The following RAP2A variants were observed in gnomAD, a reference collection of about 807,000 sequenced individuals.
RAP2A encodes the protein ras-related protein Rap-2a.
Under a neutral mutation model 15.1 loss-of-function variants are expected in RAP2A, and 5 were observed. That is an observed-to-expected ratio of 0.33 (90% CI 0.17 to 0.70). The LOEUF (loss-of-function observed/expected upper bound fraction) is 0.70, where lower values mean the gene tolerates loss of function less well. Among genes scored for constraint, RAP2A ranks in the 30% least tolerant of loss-of-function variants. The probability of loss-of-function intolerance (pLI) is 0.68; values close to 1 mark genes in which losing one functional copy is unlikely to be tolerated. For synonymous variants in RAP2A, 110 were observed against 99.7 expected, an observed-to-expected ratio of 1.10 and a Z score of -0.62; for missense variants, 111 against 240.3, an observed-to-expected ratio of 0.46 and a Z score of 3.56.
At chr13:97,456,074 C>T (rs1408105085) in intron 1 of RAP2A, among the ~76,000 whole-genome samples, 1 of 145,838 alleles carries the variant, frequency 6.9e-6, no homozygotes, top group Non-Finnish European at 1.5e-5. Context: ...CTGGCACTGT[C>T]TACTGCCCCA....
At chr13:97,460,858 G>A (rs1224933051) in intron 1 of RAP2A, among the ~76,000 whole-genome samples, 1 of 152,142 alleles carries the variant, frequency 6.6e-6, no homozygotes, top group Non-Finnish European at 1.5e-5. Flanking sequence ...TTAGTGTCTG[G>A]TGGCTGCTTT....
intron 1 of RAP2A, among the ~76,000 whole-genome samples, chr13:97,462,143 T>C (rs1293707122): frequency 1.3e-5 from 2 of 149,808 alleles, no homozygotes; most frequent in Admixed American, 6.7e-5. Context: ...AGTGATCTTA[T>C]CACTTTTTAT....
At chr13:97,436,393 T>C (rs949057687) in intron 1 of RAP2A, among the ~76,000 whole-genome samples, 4 of 152,290 alleles carry the variant, frequency 2.6e-5, no homozygotes, top group Non-Finnish European at 4.4e-5. Flanking sequence ...GTCTGATACA[T>C]TGCCACATGT....
intron 1 of RAP2A, among the ~76,000 whole-genome samples, chr13:97,463,242 G>C (rs879786813): frequency 2.0e-5 from 3 of 152,206 alleles, no homozygotes; most frequent in African/African-American, 4.8e-5. Context: ...GTGCAGTCCA[G>C]CACCAGTGTT....
rs2066780775 is a variant in RAP2A at position 97,468,160 on chromosome 13, TTAAAAA to T, written c.*3728_*3733del. ...GGTAGGTAGATAATTTTCATAGTCT[TTAAAAA>T]TAAAAATAACATGTAAGAGACTGTA... On this transcript the variant is annotated 3_prime_UTR_variant, in exon 2 of 2. Transcript: ENST00000245304. 3 of 152,320 alleles carry T rather than the reference TTAAAAA, an allele frequency of 2.0e-5. No homozygotes were observed. The highest frequency in any genetic ancestry group is 2.0e-4 in the Admixed American group (3 of 15,292). The allele number at this position is 152,320 out of a possible 1,614,324, so 9.4% of individuals were successfully genotyped here. A position where few individuals can be genotyped will look rare whatever the true frequency, so the allele number is the denominator to read the frequency against.
chr13:97,444,192 T>C (rs940288931), intron 1 of RAP2A, among the ~76,000 whole-genome samples: 5 of 152,218 alleles, frequency 3.3e-5, no homozygotes, highest in Non-Finnish European at 7.3e-5. Flanking sequence ...GCATAGACCT[T>C]GAGTGCTTTG....
Position 97,464,506 on chromosome 13 carries a change from A to C in RAP2A, c.*64A>C, listed in dbSNP as rs376721028. ...GTCGTAGGTGATAGAAAACTCGCCT[A>C]CTCCACTGCAGAACTTGCAGAATGC... On this transcript the variant is annotated 3_prime_UTR_variant, in exon 2 of 2. Coordinates refer to ENST00000245304, the MANE Select transcript of RAP2A (RefSeq NM_021033.7). The C allele has an allele frequency of 4.0e-4, 580 of 1,449,368 alleles. 4 individuals carry two copies. In the African/African-American group the frequency reaches 6.7e-3, roughly 17 times the overall value. The allele number at this position is 1,449,368 out of a possible 1,614,324, so 89.8% of individuals were successfully genotyped here.
rs752520816 is a variant in RAP2A at position 97,434,506 on chromosome 13, C to T, written c.36C>T (p.Gly12=). 6.2e-7 allele frequency: 1 copy of T among 1,612,334 alleles called. No homozygotes were observed. The highest frequency in any genetic ancestry group is 1.1e-5 in the South Asian group (1 of 90,988). Residue 12 remains glycine (G), a synonymous_variant, in exon 1 of 2, where the codon GGC becomes GGT. Coordinates refer to ENST00000245304, the MANE Select transcript of RAP2A (RefSeq NM_021033.7). ...REYKVVVLGS[G]GVGKSALTVQ... ...ACAAAGTGGTGGTGCTGGGCTCGGG[C>T]GGGGTAGGCAAATCCGCCCTGACCG...
At position 97,469,089 on chromosome 13, in the gene RAP2A, G is replaced by A. The variant is rs2066784613; in HGVS notation, c.*4647G>A. ...TCATTCCAACTGGTTTTACATCGTT[G>A]AATATTATCTAGTATTTTTAATAAA... On this transcript the variant is annotated 3_prime_UTR_variant, in exon 2 of 2. Transcript: ENST00000245304. The A allele has an allele frequency of 6.6e-6, 1 of 152,008 alleles. No homozygotes were observed. The highest frequency in any genetic ancestry group is 1.5e-5 in the Non-Finnish European group (1 of 68,012). The allele number at this position is 152,008 out of a possible 1,614,324, so 9.4% of individuals were successfully genotyped here. A position where few individuals can be genotyped will look rare whatever the true frequency, so the allele number is the denominator to read the frequency against.
intron 1 of RAP2A, among the ~76,000 whole-genome samples, chr13:97,446,251 G>T (rs2066678989): frequency 1.3e-5 from 2 of 152,042 alleles, no homozygotes; most frequent in Non-Finnish European, 2.9e-5. Context: ...ACTATAGACT[G>T]TTACCTCAAA....
chr13:97,445,666 A>G (rs1285767249), intron 1 of RAP2A, among the ~76,000 whole-genome samples: 1 of 152,166 alleles, frequency 6.6e-6, no homozygotes, highest in Non-Finnish European at 1.5e-5. Context: ...CATTATCTCA[A>G]TAGGTGCAGC....
At chr13:97,455,410 T>TC (rs1566474415) in intron 1 of RAP2A, among the ~76,000 whole-genome samples, 1 of 151,544 alleles carries the variant, frequency 6.6e-6, no homozygotes, top group Non-Finnish European at 1.5e-5. Flanking sequence ...AATTAGTTTT[T>TC]CTGGTTCTTT....
rs1178337307 is a variant in RAP2A, at chr13:97,450,031, A to G, written c.315-14174A>G. On this transcript the variant is annotated intron_variant, in intron 1 of 1. Transcript: ENST00000245304. ...GTGATTTAGAAATGATAAATATTCTAAGATCTTACTACAACAATAGAAAAA... is the reference window on the plus strand; with the variant it reads ...GTGATTTAGAAATGATAAATATTCTGAGATCTTACTACAACAATAGAAAAA... 2.0e-5 allele frequency among the ~76,000 whole-genome samples: 3 copies of G among 151,984 alleles called. No homozygotes were observed. In the East Asian group the frequency reaches 5.8e-4, roughly 29 times the overall value.
intron 1 of RAP2A, among the ~76,000 whole-genome samples, chr13:97,457,741 G>C (rs573788415): frequency 5.9e-5 from 9 of 152,024 alleles, no homozygotes; most frequent in Non-Finnish European, 1.3e-4. Context: ...AATTTGGAAG[G>C]ATAGATATCA....
chr13:97,461,542 T>C (rs2066745836), intron 1 of RAP2A, among the ~76,000 whole-genome samples: 1 of 152,232 alleles, frequency 6.6e-6, no homozygotes, highest in African/African-American at 2.4e-5. Flanking sequence ...GTAAGATTTA[T>C]TCAAATTCTT....
intron 1 of RAP2A, among the ~76,000 whole-genome samples, chr13:97,435,195 C>CACCT (rs1481663759): frequency 2.6e-5 from 4 of 152,188 alleles, no homozygotes; most frequent in African/African-American, 9.7e-5. Context: ...ATCGCTCACA[C>CACCT]ACCTATACAG....
chr13:97,463,826 G>C (rs942873162), intron 1 of RAP2A, among the ~76,000 whole-genome samples: 2 of 151,962 alleles, frequency 1.3e-5, no homozygotes, highest in African/African-American at 4.8e-5. Flanking sequence ...TAAGTTGTTT[G>C]TTTACTCATT....
chr13:97,441,530 T>C (rs1285369284), intron 1 of RAP2A, among the ~76,000 whole-genome samples: 1 of 152,158 alleles, frequency 6.6e-6, no homozygotes, highest in South Asian at 2.1e-4. Flanking sequence ...TATGTACATA[T>C]TTTTAAGCAA....
In RAP2A at chr13:97,435,724, A is replaced by G. The variant is rs561933722; in HGVS notation, c.314+940A>G. On this transcript the variant is annotated intron_variant, in intron 1 of 1. Transcript: ENST00000245304. ...AATTTTAAGCATTAGAAATGTGATA[A>G]TATCTTAGTTCAAAGTTTTGGCAAA... Among the ~76,000 whole-genome samples the G allele has an allele frequency of 3.9e-5, 6 of 152,270 alleles. No homozygotes were observed. In the South Asian group the frequency reaches 1.0e-3, roughly 26 times the overall value.
Sources: allele counts gnomAD v4.1 joint callset (sites outside exome capture counted in the v4.1 genomes callset), GRCh38; gene constraint gnomAD v4.1.1; transcripts MANE v1.5; gene names NCBI Gene and HGNC (gene_info 2026-07-23, HGNC 2026-07-21).